Variants in AGMO observed in about 807,000 individuals in gnomAD.
AGMO encodes the protein glyceryl-ether monooxygenase.
A neutral mutation model predicts 60.2 loss-of-function variants in AGMO; 75 were observed. That is an observed-to-expected ratio of 1.25 (90% CI 1.03 to 1.51). AGMO has a LOEUF of 1.51. Among genes scored for constraint, AGMO ranks in the 40% most tolerant of loss-of-function variants. The pLI is 0.00. For synonymous variants in AGMO, 261 were observed against 177.1 expected, an observed-to-expected ratio of 1.47 and a Z score of -3.76; for missense variants, 763 against 525.5, an observed-to-expected ratio of 1.45 and a Z score of -4.42.
intron 3 of AGMO, among the ~76,000 whole-genome samples, chr7:15,479,764 A>G (rs779466627): frequency 6.6e-6 from 1 of 152,172 alleles, no homozygotes; most frequent in Admixed American, 6.6e-5. Flanking sequence ...TGAAGAGGAC[A>G]TGGGCTCTGC....
chr7:15,506,232 A>C (rs1479755424), intron 3 of AGMO, among the ~76,000 whole-genome samples: 1 of 152,010 alleles, frequency 6.6e-6, no homozygotes, highest in Non-Finnish European at 1.5e-5. Context: ...TGTGCCAGAA[A>C]CTGAATGTAA....
chr7:15,336,686 G>C (rs1226075809), intron 12 of AGMO, among the ~76,000 whole-genome samples: 1 of 152,094 alleles, frequency 6.6e-6, no homozygotes, highest in African/African-American at 2.4e-5. Flanking sequence ...CTGCTACTTT[G>C]TGTGTTCTGA....
intron 3 of AGMO, among the ~76,000 whole-genome samples, chr7:15,526,262 T>C (rs1784126381): frequency 6.6e-6 from 1 of 152,308 alleles, no homozygotes; most frequent in South Asian, 2.1e-4. Flanking sequence ...TGATACCAAA[T>C]AATAAATAAG....
At chr7:15,381,535 T>C (rs1040989666) in intron 10 of AGMO, among the ~76,000 whole-genome samples, 1 of 152,034 alleles carries the variant, frequency 6.6e-6, no homozygotes, top group Non-Finnish European at 1.5e-5. Context: ...AACATGCTGG[T>C]GAGCTTGTGG....
chr7:15,178,398 A>T, the AGMO span, among the ~76,000 whole-genome samples: 6 of 152,194 alleles, frequency 3.9e-5, no homozygotes, highest in African/African-American at 1.4e-4. Context: ...GAGAAGTCTG[A>T]AACTCATTTA....
At chr7:15,244,769 A>G (rs917496666) in intron 12 of AGMO, among the ~76,000 whole-genome samples, 1 of 151,962 alleles carries the variant, frequency 6.6e-6, no homozygotes, top group African/African-American at 2.4e-5. Context: ...CTCCTGCCTC[A>G]GCCTCCCGAG....
the AGMO span, among the ~76,000 whole-genome samples, chr7:15,186,107 C>T: frequency 1.3e-5 from 2 of 152,134 alleles, no homozygotes; most frequent in South Asian, 2.1e-4. Context: ...CCATTGCAGT[C>T]GGAGACTCTC....
intron 12 of AGMO, among the ~76,000 whole-genome samples, chr7:15,300,690 G>A (rs1201665276): frequency 1.3e-5 from 2 of 152,122 alleles, no homozygotes; most frequent in Non-Finnish European, 2.9e-5. Context: ...AATGGAAGAA[G>A]CTATTTTTCT....
chr7:15,235,060 A>G (rs918587114), intron 12 of AGMO, among the ~76,000 whole-genome samples: 8 of 152,064 alleles, frequency 5.3e-5, no homozygotes, highest in Non-Finnish European at 1.2e-4. Context: ...TCTGCCTTGA[A>G]TGACTCCCTC....
At chr7:15,162,713 T>A in the AGMO span, among the ~76,000 whole-genome samples, 3 of 152,032 alleles carry the variant, frequency 2.0e-5, no homozygotes, top group African/African-American at 7.2e-5. Context: ...AATAATAAAA[T>A]AAGAAATAAT....
intron 12 of AGMO, among the ~76,000 whole-genome samples, chr7:15,263,183 G>T (rs1427404844): frequency 6.6e-6 from 1 of 151,798 alleles, no homozygotes; most frequent in Non-Finnish European, 1.5e-5. Flanking sequence ...CCATACACCT[G>T]ACAAAGATTT....
the AGMO span, among the ~76,000 whole-genome samples, chr7:15,158,058 T>C: frequency 6.6e-6 from 1 of 152,292 alleles, no homozygotes; most frequent in East Asian, 1.9e-4. Flanking sequence ...TATTAAATAT[T>C]ATATTTTATG....
chr7:15,199,246 T>C (rs1781211731), downstream of AGMO, among the ~76,000 whole-genome samples: 1 of 152,174 alleles, frequency 6.6e-6, no homozygotes, highest in East Asian at 1.9e-4. Context: ...GGCACAAATT[T>C]GTATCTTGAA....
chr7:15,125,879 A>G, the AGMO span, among the ~76,000 whole-genome samples: 1 of 152,140 alleles, frequency 6.6e-6, no homozygotes, highest in Non-Finnish European at 1.5e-5. Flanking sequence ...CTTATGTAAT[A>G]GAGAAATATC....
At chr7:15,545,673 A>G (rs1390640091) in intron 2 of AGMO, among the ~76,000 whole-genome samples, 1 of 152,130 alleles carries the variant, frequency 6.6e-6, no homozygotes, top group African/African-American at 2.4e-5. Flanking sequence ...ACACTAGAAT[A>G]TATCTTGCCA....
intron 5 of AGMO, among the ~76,000 whole-genome samples, chr7:15,395,682 ATTG>A (rs1425573643): frequency 1.3e-5 from 2 of 151,650 alleles, no homozygotes; most frequent in East Asian, 1.9e-4. Context: ...ATATAAATTT[ATTG>A]TTATTCTAAT....
In AGMO at chr7:15,317,740, T is replaced by C. The variant is rs1208718282; in HGVS notation, c.1263+47774A>G. ...TTCAAGTGTCTGTTATAAGAAGTAG[T>C]AGAAAACAATTTGTCACACAATAAG... is the stretch of plus-strand genomic sequence containing the variant. On this transcript the variant is annotated intron_variant, in intron 12 of 12. Coordinates refer to ENST00000342526, the MANE Select transcript of AGMO (RefSeq NM_001004320.2). Among the ~76,000 whole-genome samples the C allele has an allele frequency of 2.0e-5, 3 of 151,880 alleles. No individual in the cohort carries two copies. In the East Asian group the frequency reaches 5.8e-4, roughly 29 times the overall value.
the AGMO span, among the ~76,000 whole-genome samples, chr7:15,150,135 T>C: frequency 6.6e-6 from 1 of 152,132 alleles, no homozygotes; most frequent in Non-Finnish European, 1.5e-5. Flanking sequence ...GAAATGCTAC[T>C]GATTTTTCTA....
intron 12 of AGMO, among the ~76,000 whole-genome samples, chr7:15,347,391 C>T (rs1323293202): frequency 6.6e-6 from 1 of 152,034 alleles, no homozygotes; most frequent in Admixed American, 6.6e-5. Context: ...AAGCTGACAA[C>T]AGCTCCATTT....
Sources: gnomAD v4.1 joint callset for allele counts (sites outside exome capture counted in the v4.1 genomes callset) on GRCh38, gnomAD v4.1.1 for gene constraint, MANE v1.5 for transcripts, NCBI Gene and HGNC (gene_info 2026-07-23, HGNC 2026-07-21) for gene names.